Variants in SPMIP11 observed in about 807,000 individuals in gnomAD.
SPMIP11 encodes the protein sperm microtubule inner protein 11, also known as long intergenic non-protein coding RNA 935.
chr12:48,729,971 C>G, the SPMIP11 span, among the ~76,000 whole-genome samples: 1 of 152,046 alleles, frequency 6.6e-6, no homozygotes, highest in Admixed American at 6.6e-5. Context: ...TCTTCTCTAC[C>G]CTCTTTCAGA....
the SPMIP11 span, among the ~76,000 whole-genome samples, chr12:48,754,449 G>C: frequency 6.6e-6 from 1 of 152,032 alleles, no homozygotes; most frequent in African/African-American, 2.4e-5. Flanking sequence ...ACTGCACCCA[G>C]CCTGAGGCAT....
chr12:48,766,881 G>A, the SPMIP11 span: 1 of 152,352 alleles, frequency 6.6e-6, no homozygotes, highest in Non-Finnish European at 1.5e-5. Flanking sequence ...GAGAAACTGA[G>A]GCACCAACAA....
At chr12:48,738,578 A>G in the SPMIP11 span, among the ~76,000 whole-genome samples, 1 of 148,774 alleles carries the variant, frequency 6.7e-6, no homozygotes, top group African/African-American at 2.5e-5. Flanking sequence ...TCTGTCCTCC[A>G]GGCTGGAGTC....
chr12:48,752,567 C>A, the SPMIP11 span, among the ~76,000 whole-genome samples: 12 of 152,118 alleles, frequency 7.9e-5, no homozygotes, highest in African/African-American at 2.9e-4. Flanking sequence ...AGTGCCCAAG[C>A]TTTCCCTTCT....
chr12:48,762,887 CAT>C, the SPMIP11 span, among the ~76,000 whole-genome samples: 5 of 152,084 alleles, frequency 3.3e-5, no homozygotes, highest in African/African-American at 9.7e-5. Context: ...AAAAGGTACA[CAT>C]GATTTCCCTG....
the SPMIP11 span, among the ~76,000 whole-genome samples, chr12:48,769,807 G>A: frequency 1.3e-5 from 2 of 149,194 alleles, no homozygotes; most frequent in East Asian, 3.9e-4. Context: ...TGTCACCCAG[G>A]CTGGAGTGCA....
the SPMIP11 span, among the ~76,000 whole-genome samples, chr12:48,764,483 G>A: frequency 2.0e-5 from 3 of 152,234 alleles, no homozygotes; most frequent in African/African-American, 7.2e-5. Context: ...CCAAGAGGAG[G>A]GAAGAGAATG....
the SPMIP11 span, chr12:48,767,680 C>G: frequency 6.6e-6 from 1 of 152,600 alleles, no homozygotes; most frequent in Admixed American, 6.5e-5. Flanking sequence ...CTCCATGCCC[C>G]CTTGTCAGCA....
At chr12:48,763,702 A>G in the SPMIP11 span, among the ~76,000 whole-genome samples, 1 of 145,772 alleles carries the variant, frequency 6.9e-6, no homozygotes, top group Non-Finnish European at 1.5e-5. Flanking sequence ...TTTTTTTGAG[A>G]CAGTCTCGCT....
chr12:48,764,545 T>C, the SPMIP11 span, among the ~76,000 whole-genome samples: 1 of 152,184 alleles, frequency 6.6e-6, no homozygotes, highest in Non-Finnish European at 1.5e-5. Context: ...GGACCCCATC[T>C]TACACATTTC....
the SPMIP11 span, chr12:48,770,841 C>A: frequency 6.2e-7 from 1 of 1,614,248 alleles, no homozygotes. Flanking sequence ...ATGGCGTAGT[C>A]AGCCAGGGCA....
the SPMIP11 span, among the ~76,000 whole-genome samples, chr12:48,752,522 T>C: frequency 6.6e-6 from 1 of 152,258 alleles, no homozygotes; most frequent in East Asian, 1.9e-4. Flanking sequence ...CAGCCCAGCT[T>C]CCAGGGTTCA....
chr12:48,733,378 A>C, the SPMIP11 span, among the ~76,000 whole-genome samples: 1 of 152,182 alleles, frequency 6.6e-6, no homozygotes, highest in African/African-American at 2.4e-5. Context: ...CCCAGCTCAC[A>C]TAGTGAACTT....
the SPMIP11 span, among the ~76,000 whole-genome samples, chr12:48,746,032 G>A: frequency 6.6e-6 from 1 of 152,170 alleles, no homozygotes; most frequent in Admixed American, 6.6e-5. Context: ...GATTGTGCCA[G>A]CCACTGTGTA....
the SPMIP11 span, among the ~76,000 whole-genome samples, chr12:48,731,319 C>T: frequency 2.0e-5 from 3 of 152,106 alleles, no homozygotes; most frequent in Admixed American, 1.3e-4. Flanking sequence ...AGAGAAACCC[C>T]GTCTCTATTA....
the SPMIP11 span, chr12:48,768,698 G>C: frequency 4.3e-6 from 7 of 1,614,118 alleles, no homozygotes; most frequent in South Asian, 1.1e-5. Context: ...GCTAGAACCT[G>C]GTACAGGTCC....
chr12:48,771,326 A>G, the SPMIP11 span: 1 of 479,670 alleles, frequency 2.1e-6, no homozygotes, highest in South Asian at 2.2e-5. This position sits in a 1 kb window ranked among gnomAD's most constrained non-coding sequence, Gnocchi z 4.3. Flanking sequence ...CCTGATCTGG[A>G]TGTTCAGGAC....
the SPMIP11 span, among the ~76,000 whole-genome samples, chr12:48,762,350 G>A: frequency 6.4e-5 from 6 of 94,414 alleles, no homozygotes; most frequent in African/African-American, 1.3e-4. Context: ...GAGCCACCCC[G>A]CCCAGCTTTT....
the SPMIP11 span, among the ~76,000 whole-genome samples, chr12:48,755,794 T>C: frequency 3.9e-5 from 6 of 151,944 alleles, no homozygotes; most frequent in Non-Finnish European, 7.4e-5. Flanking sequence ...TTCCTAACTG[T>C]CACTTGAGCT....
Sources: allele counts gnomAD v4.1 joint callset (sites outside exome capture counted in the v4.1 genomes callset), GRCh38; gene constraint gnomAD v4.1.1; non-coding constraint Gnocchi (gnomAD v3.1); transcripts MANE v1.5; gene names NCBI Gene and HGNC (gene_info 2026-07-23, HGNC 2026-07-21).